The following GRIN2B variants were observed in gnomAD, a reference collection of about 807,000 sequenced individuals.
GRIN2B encodes glutamate receptor ionotropic, NMDA 2B.
GRIN2B carries 5 observed loss-of-function variants against 114.5 expected under a neutral mutation model. The ratio of observed to expected loss-of-function variants is 0.04; its 90% CI spans 0.02 to 0.09. The LOEUF is 0.09. Among genes scored for constraint, GRIN2B ranks in the 10% least tolerant of loss-of-function variants. The pLI, the probability that GRIN2B is intolerant of heterozygous loss-of-function variation, is 1.00. For synonymous variants in GRIN2B, 787 were observed against 745.1 expected (o/e 1.06, Z -0.92); for missense variants, 1,108 against 1,943.5 (o/e 0.57, Z 8.08).
At chr12:13,568,009 AGATT>A (rs1439538741) in intron 12 of GRIN2B, among the ~76,000 whole-genome samples, 3 of 151,936 alleles carry the variant, frequency 2.0e-5, no homozygotes, top group Non-Finnish European at 4.4e-5. Context: ...ATGGGCAGAG[AGATT>A]GATTGATTCC....
At chr12:13,785,333 C>T (rs1864205484) in intron 3 of GRIN2B, among the ~76,000 whole-genome samples, 1 of 152,186 alleles carries the variant, frequency 6.6e-6, no homozygotes, top group Non-Finnish European at 1.5e-5. Context: ...TATCACTCCC[C>T]TCCTTAAAAA....
At chr12:13,810,562 G>A (rs1864710235) in intron 3 of GRIN2B, among the ~76,000 whole-genome samples, 1 of 152,054 alleles carries the variant, frequency 6.6e-6, no homozygotes, top group Non-Finnish European at 1.5e-5. Flanking sequence ...ATTTGTGAGT[G>A]GAGCCTGTAT....
At chr12:13,907,573 A>G (rs1225886769) in intron 2 of GRIN2B, among the ~76,000 whole-genome samples, 1 of 152,200 alleles carries the variant, frequency 6.6e-6, no homozygotes, top group Non-Finnish European at 1.5e-5. Flanking sequence ...AGAACAGGCA[A>G]AATTTATCTC....
intron 3 of GRIN2B, among the ~76,000 whole-genome samples, chr12:13,777,857 C>T (rs374423938): frequency 7.9e-5 from 12 of 152,314 alleles, no homozygotes; most frequent in African/African-American, 2.9e-4. Flanking sequence ...GAGGCTAGCA[C>T]AATCTCTCCT....
intron 3 of GRIN2B, among the ~76,000 whole-genome samples, chr12:13,802,682 A>T (rs1864536699): frequency 6.6e-6 from 1 of 152,120 alleles, no homozygotes; most frequent in African/African-American, 2.4e-5. Context: ...ATAAATTTAA[A>T]TTTTTTACAT....
chr12:13,957,064 G>A (rs1565600206), intron 2 of GRIN2B, among the ~76,000 whole-genome samples: 1 of 152,284 alleles, frequency 6.6e-6, no homozygotes, highest in Middle Eastern at 3.4e-3. Context: ...AAGTGGAGCA[G>A]AATAGTGAAC....
intron 10 of GRIN2B, among the ~76,000 whole-genome samples, chr12:13,593,378 A>G (rs1949033043): frequency 6.6e-6 from 1 of 152,184 alleles, no homozygotes; most frequent in African/African-American, 2.4e-5. Context: ...CAGAGGCCTC[A>G]GAAATAACAC....
chr12:13,847,322 T>C (rs1221088155), intron 3 of GRIN2B, among the ~76,000 whole-genome samples: 1 of 152,070 alleles, frequency 6.6e-6, no homozygotes, highest in Non-Finnish European at 1.5e-5. Flanking sequence ...CTGGAGGGAA[T>C]CTCTGCCGTG....
At chr12:13,892,939 T>C (rs1204045377) in intron 2 of GRIN2B, among the ~76,000 whole-genome samples, 4 of 152,288 alleles carry the variant, frequency 2.6e-5, no homozygotes, top group Admixed American at 6.5e-5. Context: ...ATGGAACAAG[T>C]GGGTTCAAAG....
rs74533019 is a variant in GRIN2B, at chr12:13,675,106, A to C, written c.1125+639T>G. Among the ~76,000 whole-genome samples the C allele has an allele frequency of 2.6e-3, 399 of 152,284 alleles. 5 individuals carry two copies. Among genetic ancestry groups the C allele is most frequent in the African/African-American group, 9.3e-3 (385 of 41,556 alleles). On this transcript the variant is annotated intron_variant, in intron 5 of 13. Coordinates refer to ENST00000609686, the MANE Select transcript of GRIN2B (RefSeq NM_000834.5). Reference sequence around the variant, plus strand: ...AACCAGGCAACTTTCTAAATACTTTACGTATACTTCATCCTTATACCTGTT... The same window carrying C: ...AACCAGGCAACTTTCTAAATACTTTCCGTATACTTCATCCTTATACCTGTT...
At chr12:13,820,237 G>T (rs1190051691) in intron 3 of GRIN2B, among the ~76,000 whole-genome samples, 1 of 152,052 alleles carries the variant, frequency 6.6e-6, no homozygotes. Flanking sequence ...TAGATCAATG[G>T]CCAAATACCA....
At chr12:13,820,367 G>A (rs1347463627) in intron 3 of GRIN2B, among the ~76,000 whole-genome samples, 1 of 152,094 alleles carries the variant, frequency 6.6e-6, no homozygotes, top group East Asian at 1.9e-4. Context: ...ACCTACCCAA[G>A]CTCATATATT....
chr12:13,791,542 C>T (rs148609500), intron 3 of GRIN2B, among the ~76,000 whole-genome samples: 184 of 151,968 alleles, frequency 1.2e-3, no homozygotes, highest in African/African-American at 4.3e-3. Flanking sequence ...GCACCATGGA[C>T]AGTATGTTGC....
chr12:13,845,408 G>A (rs12305339), intron 3 of GRIN2B, among the ~76,000 whole-genome samples: 33,412 of 151,994 alleles, frequency 0.22, 3,965 homozygotes, highest in African/African-American at 0.26. Context: ...CCTAATTTCA[G>A]TTTGCCCTTG....
Position 13,888,271 on chromosome 12 carries a change from T to G in GRIN2B, c.-18-22045A>C, listed in dbSNP as rs188155991. On this transcript the variant is annotated intron_variant, in intron 2 of 13. Coordinates refer to ENST00000609686, the MANE Select transcript of GRIN2B (RefSeq NM_000834.5). ...CACAAGCCAAGTTGGTATAGCTTAC[T>G]ACACACCTAGGCTCTGTGGTATAGT... Among the ~76,000 whole-genome samples, 306 of 152,302 alleles carry G rather than the reference T, an allele frequency of 2.0e-3. 2 individuals carry two copies. The highest frequency in any genetic ancestry group is 4.4e-3 in the Admixed American group (67 of 15,304).
At chr12:13,858,718 A>G (rs1190137135) in intron 3 of GRIN2B, among the ~76,000 whole-genome samples, 1 of 152,188 alleles carries the variant, frequency 6.6e-6, no homozygotes, top group Non-Finnish European at 1.5e-5. Flanking sequence ...TCTGATTCAA[A>G]CACTATTTTA....
chr12:13,737,287 C>T (rs1863202767), intron 4 of GRIN2B, among the ~76,000 whole-genome samples: 1 of 151,690 alleles, frequency 6.6e-6, no homozygotes, highest in Non-Finnish European at 1.5e-5. Context: ...TCTCGGCTCA[C>T]TGCAAGCTCC....
At position 13,865,920 on chromosome 12, in the gene GRIN2B, C is replaced by G. The variant is rs767346001; in HGVS notation, c.289G>C (p.Val97Leu). 1 of 1,614,050 alleles carries G rather than the reference C, an allele frequency of 6.2e-7. No homozygotes were observed. The highest frequency in any genetic ancestry group is 8.5e-7 in the Non-Finnish European group (1 of 1,179,926). Reference sequence around the variant, plus strand: ...TGGTCTGTGTCATCAGCAAACACCACCCCCTGGATCTTCCGGTCAGACATG... The same window carrying G: ...TGGTCTGTGTCATCAGCAAACACCAGCCCCTGGATCTTCCGGTCAGACATG... The part of the protein sequence containing the change: ...DLMSDRKIQG[V>L]VFADDTDQEA... Residue 97 changes from valine to leucine, a missense_variant, in exon 3 of 14, where the codon GTG (valine) becomes CTG (leucine). By Grantham distance (32) the Val-to-Leu change is conservative. Coordinates refer to ENST00000609686, the MANE Select transcript of GRIN2B (RefSeq NM_000834.5).
chr12:13,640,698 T>C (rs185273929), intron 5 of GRIN2B, among the ~76,000 whole-genome samples: 1 of 152,268 alleles, frequency 6.6e-6, no homozygotes, highest in African/African-American at 2.4e-5. Context: ...TTAAATACTT[T>C]GAACCATTCT....
Sources: gnomAD v4.1 joint callset for allele counts (sites outside exome capture counted in the v4.1 genomes callset) on GRCh38, gnomAD v4.1.1 for gene constraint, MANE v1.5 for transcripts, NCBI Gene and HGNC (gene_info 2026-07-23, HGNC 2026-07-21) for gene names.